NRG1: variants seen among roughly 807,000 people sequenced by gnomAD.
NRG1 encodes pro-neuregulin-1, membrane-bound isoform.
In NRG1, 18 loss-of-function variants were observed where a neutral mutation model predicts 63.8. The ratio of observed to expected loss-of-function variants is 0.28; its 90% CI spans 0.19 to 0.42. NRG1 has a LOEUF of 0.42. Among genes scored for constraint, NRG1 ranks in the 10% least tolerant of loss-of-function variants. NRG1 has a pLI of 1.00. For synonymous variants in NRG1, 302 were observed against 301.3 expected (o/e 1.00, Z -0.02); for missense variants, 762 against 814.7 (o/e 0.94, Z 0.79).
intron 5 of NRG1, among the ~76,000 whole-genome samples, chr8:32,649,989 C>CT (rs1854640783): frequency 6.6e-6 from 1 of 152,150 alleles, no homozygotes; most frequent in African/African-American, 2.4e-5. Flanking sequence ...TTGAAATCTG[C>CT]TTGAACAGGT....
intron 1 of NRG1, among the ~76,000 whole-genome samples, chr8:32,014,865 GA>G (rs1815274012): frequency 6.6e-6 from 1 of 152,014 alleles, no homozygotes; most frequent in Admixed American, 6.6e-5. Context: ...GTATAAAGGG[GA>G]AATCTGAACA....
intron 1 of NRG1, among the ~76,000 whole-genome samples, chr8:31,986,345 C>G (rs1810063349): frequency 6.6e-6 from 1 of 152,006 alleles, no homozygotes; most frequent in Non-Finnish European, 1.5e-5. Flanking sequence ...CCAGTCCACA[C>G]CACACTCCCC....
chr8:32,700,745 G>A (rs1814641492), intron 5 of NRG1, among the ~76,000 whole-genome samples: 1 of 152,196 alleles, frequency 6.6e-6, no homozygotes, highest in Admixed American at 6.5e-5. Flanking sequence ...TGCTAAGATA[G>A]TATATGTAAT....
At chr8:31,795,806 T>C (rs1271642546) in intron 1 of NRG1, among the ~76,000 whole-genome samples, 1 of 152,218 alleles carries the variant, frequency 6.6e-6, no homozygotes, top group African/African-American at 2.4e-5. Flanking sequence ...CTAATTATTA[T>C]TACTTTTGAT....
At chr8:32,628,733 C>CTTTT (rs66843732) in intron 5 of NRG1, among the ~76,000 whole-genome samples, 1 of 138,154 alleles carries the variant, frequency 7.2e-6, no homozygotes, top group Non-Finnish European at 1.6e-5. Context: ...ACTTTCTGCC[C>CTTTT]TTTTTTTTTT....
intron 1 of NRG1, among the ~76,000 whole-genome samples, chr8:31,800,837 C>CTTTTTTTTTTTTTTTTTT (rs5890598): frequency 9.5e-5 from 10 of 105,048 alleles, no homozygotes; most frequent in African/African-American, 3.7e-4. Flanking sequence ...AGTCTCCTTT[C>CTTTTTTTTTTTTTTTTTT]TTTTTTTTTT....
At position 31,769,193 on chromosome 8, in the gene NRG1, C is replaced by T. The variant is rs1818375517; in HGVS notation, c.37+129762C>T. Reference sequence around the variant, plus strand: ...CATTATTTCATTTTACCTATAAATACTTCAATAATTTACATGGGTTTTTAA... The same window carrying T: ...CATTATTTCATTTTACCTATAAATATTTCAATAATTTACATGGGTTTTTAA... On this transcript the variant is annotated intron_variant, in intron 1 of 10. Coordinates refer to the NRG1 transcript ENST00000519301. Among the ~76,000 whole-genome samples, 6 of 152,058 alleles carry T rather than the reference C, an allele frequency of 3.9e-5. No homozygotes were observed. In the South Asian group the frequency reaches 1.2e-3, roughly 31 times the overall value.
chr8:32,644,827 G>A (rs1386143990), intron 5 of NRG1, among the ~76,000 whole-genome samples: 2 of 147,516 alleles, frequency 1.4e-5, no homozygotes, highest in Admixed American at 6.8e-5. Flanking sequence ...TGCTGAATAT[G>A]TTTGCTCTTA....
chr8:31,687,114 A>T (rs975637941), intron 1 of NRG1, among the ~76,000 whole-genome samples: 9 of 152,108 alleles, frequency 5.9e-5, no homozygotes, highest in African/African-American at 2.2e-4. Flanking sequence ...AGGTTTTGGT[A>T]CCTTGTTGTT....
At chr8:32,165,668 G>A (rs1288954314) in intron 1 of NRG1, among the ~76,000 whole-genome samples, 1 of 152,142 alleles carries the variant, frequency 6.6e-6, no homozygotes, top group African/African-American at 2.4e-5. Context: ...GAATTTATGT[G>A]ATTGCTATAT....
intron 1 of NRG1, among the ~76,000 whole-genome samples, chr8:31,996,320 C>A (rs1299016181): frequency 6.6e-6 from 1 of 151,934 alleles, no homozygotes; most frequent in Non-Finnish European, 1.5e-5. Context: ...CTGATAAGCA[C>A]ACTGAAGTAA....
At chr8:32,643,151 C>G (rs1852751314) in intron 5 of NRG1, among the ~76,000 whole-genome samples, 1 of 152,188 alleles carries the variant, frequency 6.6e-6, no homozygotes, top group Non-Finnish European at 1.5e-5. Context: ...ATTACCGTGT[C>G]TCTTCTTGAT....
intron 1 of NRG1, among the ~76,000 whole-genome samples, chr8:31,736,830 G>A (rs1174788277): frequency 6.6e-6 from 1 of 152,028 alleles, no homozygotes; most frequent in Non-Finnish European, 1.5e-5. Context: ...GTTGTTATTT[G>A]TCATATGTAT....
At chr8:31,983,909 G>A (rs1487343319) in intron 1 of NRG1, among the ~76,000 whole-genome samples, 1 of 152,090 alleles carries the variant, frequency 6.6e-6, no homozygotes, top group African/African-American at 2.4e-5. Flanking sequence ...GAAAAAGGAA[G>A]AAAGAAGAAT....
intron 6 of NRG1, among the ~76,000 whole-genome samples, chr8:32,730,746 A>T (rs534708231): frequency 4.3e-4 from 65 of 152,312 alleles, no homozygotes; most frequent in Admixed American, 7.2e-4. Context: ...GTTTTCTCTG[A>T]TCAAAATAGA....
At position 32,675,413 on chromosome 8, in the gene NRG1, T is replaced by C. The variant is rs147771524; in HGVS notation, c.503-52536T>C. On this transcript the variant is annotated intron_variant, in intron 5 of 11. Coordinates refer to ENST00000356819, the Ensembl canonical transcript of NRG1. ...CTTTTGTGGATGTTCTTTGGCTTAG[T>C]TCAAGACTTTGTCAATCTGACTTTT... 3.3e-5 allele frequency among the ~76,000 whole-genome samples: 5 copies of C among 152,358 alleles called. No homozygotes were observed. The East Asian group carries it at 9.6e-4, about 29-fold the overall frequency.
At chr8:32,307,680 A>G (rs2129475688) in intron 1 of NRG1, among the ~76,000 whole-genome samples, 1 of 151,968 alleles carries the variant, frequency 6.6e-6, no homozygotes, top group East Asian at 1.9e-4. Flanking sequence ...ACTCCTCAAG[A>G]ACAGTCTAGA....
At position 32,266,782 on chromosome 8, in the gene NRG1, T is replaced by C. The variant is rs193100027; in HGVS notation, c.38-329046T>C. Among the ~76,000 whole-genome samples the C allele has an allele frequency of 3.6e-3, 534 of 150,234 alleles. 5 individuals are homozygous for C. Among genetic ancestry groups the C allele is most frequent in the African/African-American group, 0.013 (513 of 40,702 alleles). On this transcript the variant is annotated intron_variant, in intron 1 of 10. Transcript: ENST00000519301. ...TGGGTAGGGTGGCTCATGCCTGTCATCCCAGCACTTTGGAAGGCTGAGGTG... is the reference window on the plus strand; with the variant it reads ...TGGGTAGGGTGGCTCATGCCTGTCACCCCAGCACTTTGGAAGGCTGAGGTG...
At position 32,233,628 on chromosome 8, in the gene NRG1, G is replaced by A. The variant is rs1586265901; in HGVS notation, c.38-362200G>A. On this transcript the variant is annotated intron_variant, in intron 1 of 10. Coordinates refer to the NRG1 transcript ENST00000519301. ...TCACCAGGCTGGAGTGCAGTGGTGCGATCTCAGATCACTGCAACCTCCGCC... is the reference window on the plus strand; with the variant it reads ...TCACCAGGCTGGAGTGCAGTGGTGCAATCTCAGATCACTGCAACCTCCGCC... Among the ~76,000 whole-genome samples the A allele has an allele frequency of 4.1e-5, 6 of 147,014 alleles. No individual in the cohort carries two copies. The South Asian group carries it at 1.1e-3, about 27-fold the overall frequency.
Sources: allele counts gnomAD v4.1 joint callset (sites outside exome capture counted in the v4.1 genomes callset), GRCh38; gene constraint gnomAD v4.1.1; transcripts MANE v1.5; gene names NCBI Gene and HGNC (gene_info 2026-07-23, HGNC 2026-07-21).